The following FEZF1 variants were observed in gnomAD, a reference collection of about 807,000 sequenced individuals.
FEZF1 encodes the protein fez family zinc finger protein 1.
FEZF1 carries 8 observed loss-of-function variants against 32.4 expected under a neutral mutation model. The observed-to-expected ratio is 0.25, with a 90% CI of 0.15 to 0.45. The LOEUF is 0.45. FEZF1 is among the 20% of genes least tolerant of loss of function. FEZF1 has a pLI of 1.00. For missense variants in FEZF1, 546 were observed against 622.3 expected, an observed-to-expected ratio of 0.88 and a Z score of 1.31; for synonymous variants, 259 against 265.2, an observed-to-expected ratio of 0.98 and a Z score of 0.23.
Position 122,303,836 on chromosome 7 carries a change from C to A in FEZF1, c.602G>T (p.Arg201Met). The A allele has an allele frequency of 6.2e-7, 1 of 1,614,218 alleles. No homozygotes were observed. The highest frequency in any genetic ancestry group is 8.5e-7 in the Non-Finnish European group (1 of 1,180,042). ...CACCGCCGGGACCACCAGTTTATTC[C>A]TTTCGGCTAAATACGTTTTTGGCTG... ...HPQPKTYLAE[R>M]NKLVVPAVEK... The change falls in exon 1 of 4, where the codon AGG becomes ATG. Residue 201 changes from arginine (R) to methionine (M), a missense_variant. This residue lies in a region of FEZF1 where 345 missense variants were observed against 360.6 expected (regional missense o/e 0.96). Coordinates refer to ENST00000442488, the MANE Select transcript of FEZF1 (RefSeq NM_001024613.4).
intron 1 of FEZF1, 116 bp downstream of exon 1, chr7:122,303,515 AAGGAAG>A: frequency 1.8e-6 from 1 of 546,470 alleles, no homozygotes; most frequent in East Asian, 3.0e-5. Context: ...GGAAGGAAGG[AAGGAAG>A]GAAGGAAGGA....
rs1032322657 is a variant in FEZF1, at chr7:122,304,293, G to A, written c.145C>T (p.Pro49Ser). ...GGTAAGGCTCCCTGCAGGAAGTGGG[G>A]GACTGGCAGGGCCTTGGGCTCTGGG... Reference protein sequence around the residue: ...RTPEPKALPVPHFLQGALPKG... With the variant: ...RTPEPKALPVSHFLQGALPKG... Residue 49 changes from proline (P) to serine (S), a missense_variant, in exon 1 of 4, where the codon CCC (proline) becomes TCC (serine). By Grantham distance (74) the Pro-to-Ser change is moderately conservative. Transcript: ENST00000442488. The A allele has an allele frequency of 1.9e-6, 3 of 1,612,608 alleles. No individual in the cohort carries two copies. The highest frequency in any genetic ancestry group is 2.7e-5 in the African/African-American group (2 of 74,896).
chr7:122,303,532 AGGAAGGAG>A (rs1433405193), intron 1 of FEZF1, 97 bp downstream of exon 1: 27 of 239,348 alleles, frequency 1.1e-4, no homozygotes, highest in Middle Eastern at 8.6e-4. Context: ...GAAGGAAGGA[AGGAAGGAG>A]GGAGGGAAGG....
rs754046193 is a variant in FEZF1, at chr7:122,302,852, G to A, written c.1016C>T (p.Ala339Val). 1.2e-6 allele frequency: 2 copies of A among 1,613,892 alleles called. No homozygotes were observed. Among genetic ancestry groups the A allele is most frequent in the African/African-American group, 1.3e-5 (1 of 74,890 alleles). Residue 339 changes from alanine to valine, a missense_variant, in exon 3 of 4, where the codon GCG (alanine) becomes GTG (valine). Ala to Val is a moderately conservative substitution (Grantham distance 64). Around this residue, in one of 3 missense-constraint regions of FEZF1, gnomAD observed 118 missense variants for 188.7 expected, o/e 0.63. Coordinates refer to ENST00000442488, the MANE Select transcript of FEZF1 (RefSeq NM_001024613.4). This position sits in a 1 kb window ranked among gnomAD's most constrained non-coding sequence, Gnocchi z 4.4. The stretch of plus-strand genomic sequence containing the variant: ...TTCACACACAAACGGTTTGTAGCCC[G>A]CGTGTATTCGGGTATGAGTGTTTAA... Reference protein sequence around the residue: ...STLNTHTRIHAGYKPFVCEFC... With the variant: ...STLNTHTRIHVGYKPFVCEFC...
At chr7:122,307,999 TA>T (rs967463466), upstream of FEZF1, among the ~76,000 whole-genome samples, 5 of 152,084 alleles carry the variant, frequency 3.3e-5, no homozygotes, top group African/African-American at 9.7e-5. Flanking sequence ...AAAAAGGCAA[TA>T]AAAACAGAGT....
chr7:122,308,556 A>G (rs1185632278), upstream of FEZF1: 3 of 152,222 alleles, frequency 2.0e-5, no homozygotes, highest in African/African-American at 7.2e-5. Context: ...TCGAAATAAA[A>G]GGTAATAAGA....
exon 1 of FEZF1, chr7:122,310,425 A>G (rs1435935117): frequency 6.6e-6 from 1 of 152,326 alleles, no homozygotes; most frequent in Non-Finnish European, 1.5e-5. Flanking sequence ...AAAAGCTGAA[A>G]ACTCCCCGGC....
rs2031066145 is a variant in FEZF1 at position 122,302,155 on chromosome 7, C to G, written c.1270G>C (p.Asp424His). 1 of 1,614,182 alleles carries G rather than the reference C, an allele frequency of 6.2e-7. No individual in the cohort carries two copies. The highest frequency in any genetic ancestry group is 8.5e-7 in the Non-Finnish European group (1 of 1,180,038). ...DLKKHVRKLH[D>H]SSLGLARTPA... ...GTGCGGGCCAGCCCCAGGCTGCTGT[C>G]GTGCAGCTTGCGGACATGCTTCTTG... The change falls in exon 4 of 4, where the codon GAC becomes CAC. Residue 424 changes from aspartate to histidine, a missense_variant. Physicochemically the swap from Asp to His is moderately conservative, Grantham distance 81 (BLOSUM62 -1). Coordinates refer to ENST00000442488, the MANE Select transcript of FEZF1 (RefSeq NM_001024613.4). The surrounding 1 kb of genome is among the most constrained non-coding windows in gnomAD (Gnocchi z 4.4).
At chr7:122,310,710 C>T (rs1265031288), upstream of FEZF1, 1 of 152,374 alleles carries the variant, frequency 6.6e-6, no homozygotes, top group African/African-American at 2.4e-5. Flanking sequence ...CACCACCGCC[C>T]CAGCTGGTCT....
At chr7:122,303,576 GGGAAGGAA>G (rs533231026) in intron 1 of FEZF1, 53 bp downstream of exon 1, 3 of 1,057,204 alleles carry the variant, frequency 2.8e-6, no homozygotes, top group East Asian at 2.5e-5. Flanking sequence ...GAGGGAGGGA[GGGAAGGAA>G]GGAAGGAAGG....
At position 122,304,479 on chromosome 7, in the gene FEZF1, C is replaced by G; in HGVS notation, c.-42G>C. 2 of 1,492,164 alleles carry G rather than the reference C, an allele frequency of 1.3e-6. No individual in the cohort carries two copies. The highest frequency in any genetic ancestry group is 2.4e-5 in the East Asian group (1 of 42,302). The allele number at this position is 1,492,164 out of a possible 1,614,324, so 92.4% of individuals were successfully genotyped here. A position where few individuals can be genotyped will look rare whatever the true frequency, so the allele number is the denominator to read the frequency against. On this transcript the variant is annotated 5_prime_UTR_variant, in exon 1 of 4. Transcript: ENST00000442488. ...TCCGTCAGCCGGGGCTGGGTTGCGCCGTCCGTTGCCTTGTTCCCTGCTTGT... is the reference window on the plus strand; with the variant it reads ...TCCGTCAGCCGGGGCTGGGTTGCGCGGTCCGTTGCCTTGTTCCCTGCTTGT...
upstream of FEZF1, among the ~76,000 whole-genome samples, chr7:122,308,135 G>A (rs1234928071): frequency 6.6e-6 from 1 of 152,094 alleles, no homozygotes; most frequent in Non-Finnish European, 1.5e-5. Context: ...CAGTTTCTTT[G>A]GATTTTCTTT....
At chr7:122,305,072 G>A (rs1029424397), upstream of FEZF1, 1 of 152,068 alleles carries the variant, frequency 6.6e-6, no homozygotes, top group Non-Finnish European at 1.5e-5. Flanking sequence ...TAAAATCATT[G>A]TGCAAGGGCT....
upstream of FEZF1, among the ~76,000 whole-genome samples, chr7:122,308,945 T>C (rs1382073177): frequency 1.3e-5 from 2 of 152,248 alleles, no homozygotes; most frequent in Non-Finnish European, 2.9e-5. Context: ...ACTGTACTTC[T>C]AGAAGGAAAA....
rs768568043 is a variant in FEZF1 at position 122,304,470 on chromosome 7, G to A, written c.-33C>T. ...TCGCCAGCGTCCGTCAGCCGGGGCT[G>A]GGTTGCGCCGTCCGTTGCCTTGTTC... is the stretch of plus-strand genomic sequence containing the variant. On this transcript the variant is annotated 5_prime_UTR_variant, in exon 1 of 4. Coordinates refer to ENST00000442488, the MANE Select transcript of FEZF1 (RefSeq NM_001024613.4). 8.5e-6 allele frequency: 13 copies of A among 1,530,648 alleles called. No individual in the cohort carries two copies. The South Asian group carries it at 1.6e-4, about 19-fold the overall frequency. The allele number at this position is 1,530,648 out of a possible 1,614,324, so 94.8% of individuals were successfully genotyped here. A position where few individuals can be genotyped will look rare whatever the true frequency, so the allele number is the denominator to read the frequency against.
At chr7:122,310,488 C>A (rs2031392787) in exon 1 of FEZF1, 1 of 152,306 alleles carries the variant, frequency 6.6e-6, no homozygotes, top group South Asian at 2.1e-4. Flanking sequence ...GTTAAAGTGA[C>A]GTTGGCAAGG....
rs775695735 is a variant in FEZF1 at position 122,302,102 on chromosome 7, C to A, written c.1323G>T (p.Pro441=). ...GCGGCTGCTGCGGTAGCGGGGGCGG[C>A]GGTTCAGTGCCTGGTTCGCCAGCTG... is the stretch of plus-strand genomic sequence containing the variant. The part of the protein sequence containing the change: ...RTPAGEPGTE[P]PPPLPQQPPM... The change falls in exon 4 of 4, where the codon CCG becomes CCT. Residue 441 remains proline (P), a synonymous_variant. Transcript: ENST00000442488. This position sits in a 1 kb window ranked among gnomAD's most constrained non-coding sequence, Gnocchi z 4.4. The A allele has an allele frequency of 1.7e-5, 28 of 1,611,664 alleles. No homozygotes were observed. The highest frequency in any genetic ancestry group is 2.3e-5 in the Non-Finnish European group (27 of 1,179,284).
At chr7:122,305,391 C>G (rs941236111), upstream of FEZF1, 4 of 152,248 alleles carry the variant, frequency 2.6e-5, no homozygotes, top group Admixed American at 1.3e-4. Flanking sequence ...CCAAACGCCC[C>G]GAAAATTAAA....
chr7:122,305,454 G>T (rs574052478), upstream of FEZF1: 2 of 152,346 alleles, frequency 1.3e-5, no homozygotes, highest in Non-Finnish European at 2.9e-5. Flanking sequence ...AATGCCCGCG[G>T]CAATAGGCCT....
Sources: allele counts gnomAD v4.1 joint callset (sites outside exome capture counted in the v4.1 genomes callset), GRCh38; gene constraint gnomAD v4.1.1; regional missense constraint gnomAD v4.1.1; non-coding constraint Gnocchi (gnomAD v3.1); transcripts MANE v1.5; gene names NCBI Gene and HGNC (gene_info 2026-07-23, HGNC 2026-07-21).